NAP1L4: variants seen among roughly 807,000 people sequenced by gnomAD.
The protein encoded by NAP1L4 is nucleosome assembly protein 1 like 4, also known as nucleosome assembly protein 1-like 4.
A neutral mutation model predicts 58.2 loss-of-function variants in NAP1L4; 15 were observed. The observed-to-expected ratio is 0.26, with a 90% CI of 0.17 to 0.40. The LOEUF is 0.40. Ranked by LOEUF, NAP1L4 falls within the 10% of genes least tolerant of loss-of-function variation. NAP1L4 has a pLI of 1.00. For missense variants in NAP1L4, 384 were observed against 451.1 expected (o/e 0.85, Z 1.35); for synonymous variants, 171 against 155.6 (o/e 1.10, Z -0.74).
Position 2,991,257 on chromosome 11 carries a change from T to C in NAP1L4, c.-18+997A>G, listed in dbSNP as rs375097093. The stretch of plus-strand genomic sequence containing the variant: ...CCCCGCAATCAGACTTAGAGAACTG[T>C]GGACGGTGGAAAGTCTTATCATGAC... On this transcript the variant is annotated intron_variant, in intron 1 of 15. Coordinates refer to ENST00000380542, the MANE Select transcript of NAP1L4 (RefSeq NM_005969.4). 549 of 416,508 alleles carry C rather than the reference T, an allele frequency of 1.3e-3. 10 individuals carry two copies. Among genetic ancestry groups the C allele is most frequent in the South Asian group, 8.6e-3 (534 of 62,022 alleles). The allele number at this position is 416,508 out of a possible 1,614,324, so 25.8% of individuals were successfully genotyped here. A position where few individuals can be genotyped will look rare whatever the true frequency, so the allele number is the denominator to read the frequency against.
rs1846767992 is a variant in NAP1L4, at chr11:2,955,911, C to T, written c.893-145G>A. On this transcript the variant is annotated intron_variant, in intron 10 of 15. Transcript: ENST00000380542. This position sits in a 1 kb window ranked among gnomAD's most constrained non-coding sequence, Gnocchi z 4.2. ...AACAGAAATCCCCAAAGCCTTGCAT[C>T]TCCTCACAGACATCTTTGCAAGCTC... The T allele has an allele frequency of 4.2e-6, 3 of 711,540 alleles. No individual in the cohort carries two copies. The highest frequency in any genetic ancestry group is 7.0e-6 in the Non-Finnish European group (3 of 427,296). 44.1% of individuals were successfully genotyped at this position (711,540 alleles called of 1,614,324 possible).
chr11:2,949,119 G>C lies in NAP1L4; in HGVS notation c.*32+108C>G. On this transcript the variant is annotated intron_variant, in intron 15 of 15. Coordinates refer to ENST00000380542, the MANE Select transcript of NAP1L4 (RefSeq NM_005969.4). This position sits in a 1 kb window ranked among gnomAD's most constrained non-coding sequence, Gnocchi z 4.0. ...ACCTATGTCAAACCTGTGACACAGTGAGTGTACCTGGACAGCAACTCCCTC... is the reference window on the plus strand; with the variant it reads ...ACCTATGTCAAACCTGTGACACAGTCAGTGTACCTGGACAGCAACTCCCTC... The C allele has an allele frequency of 2.4e-6, 2 of 816,812 alleles. No individual in the cohort carries two copies. Among genetic ancestry groups the C allele is most frequent in the Admixed American group, 2.5e-5 (1 of 40,112 alleles). 50.6% of individuals were successfully genotyped at this position (816,812 alleles called of 1,614,324 possible).
chr11:2,946,437 G>A lies in NAP1L4; in HGVS notation c.*33-791C>T, dbSNP rs1239257918. On this transcript the variant is annotated intron_variant, in intron 15 of 15. Coordinates refer to ENST00000380542, the MANE Select transcript of NAP1L4 (RefSeq NM_005969.4). The surrounding 1 kb of genome is among the most constrained non-coding windows in gnomAD (Gnocchi z 4.8). ...TGAATTTGTGTGGAGGCCAACAATAGCCTAAGAAATACATCACGATCTTGC... is the reference window on the plus strand; with the variant it reads ...TGAATTTGTGTGGAGGCCAACAATAACCTAAGAAATACATCACGATCTTGC... 2.0e-5 allele frequency among the ~76,000 whole-genome samples: 3 copies of A among 152,204 alleles called. No individual in the cohort carries two copies. Among genetic ancestry groups the A allele is most frequent in the African/African-American group, 7.2e-5 (3 of 41,448 alleles).
Position 2,951,984 on chromosome 11 carries a change from T to G in NAP1L4, c.1036-175A>C, listed in dbSNP as rs1363127943. 4 of 651,660 alleles carry G rather than the reference T, an allele frequency of 6.1e-6. No homozygotes were observed. The highest frequency in any genetic ancestry group is 1.1e-5 in the Non-Finnish European group (4 of 363,252). The allele number at this position is 651,660 out of a possible 1,614,324, so 40.4% of individuals were successfully genotyped here. A position where few individuals can be genotyped will look rare whatever the true frequency, so the allele number is the denominator to read the frequency against. ...GCCATTTGCTTGTGTGCAGCGCATT[T>G]TAAAAGCATGCCAGGAAATTGAAAG... is the stretch of plus-strand genomic sequence containing the variant. On this transcript the variant is annotated intron_variant, in intron 12 of 15. Transcript: ENST00000380542. This position sits in a 1 kb window ranked among gnomAD's most constrained non-coding sequence, Gnocchi z 4.0.
chr11:2,967,279 GCTT>G (rs1177359864), intron 7 of NAP1L4, among the ~76,000 whole-genome samples: 1 of 152,042 alleles, frequency 6.6e-6, no homozygotes, highest in Non-Finnish European at 1.5e-5. Context: ...AAATGAAAGG[GCTT>G]CTCTCAGAAA....
chr11:2,959,938 A>G lies in NAP1L4; in HGVS notation c.607-29T>C, dbSNP rs1846760029. 1.2e-6 allele frequency: 2 copies of G among 1,610,600 alleles called. No homozygotes were observed. Among genetic ancestry groups the G allele is most frequent in the East Asian group, 2.2e-5 (1 of 44,750 alleles). ...AAAGTAGAAATTCAGAGTAAGCACC[A>G]GTTAAAATAGAAAAATAACGAGGAC... On this transcript the variant is annotated intron_variant, in intron 8 of 15. Coordinates refer to ENST00000380542, the MANE Select transcript of NAP1L4 (RefSeq NM_005969.4). This position sits in a 1 kb window ranked among gnomAD's most constrained non-coding sequence, Gnocchi z 4.9.
rs930564373 is a variant in NAP1L4 at position 2,955,095 on chromosome 11, C to A, written c.916-449G>T. On this transcript the variant is annotated intron_variant, in intron 11 of 15. Coordinates refer to ENST00000380542, the MANE Select transcript of NAP1L4 (RefSeq NM_005969.4). The surrounding 1 kb of genome is among the most constrained non-coding windows in gnomAD (Gnocchi z 4.2). ...TTTAAGAGACAGGGTCTTATTCTAT[C>A]ACCCAGGTTGGAGGGCAGTGGTGCA... is the stretch of plus-strand genomic sequence containing the variant. 1.3e-5 allele frequency among the ~76,000 whole-genome samples: 2 copies of A among 151,974 alleles called. No homozygotes were observed. Among genetic ancestry groups the A allele is most frequent in the Admixed American group, 6.6e-5 (1 of 15,254 alleles).
At position 2,955,395 on chromosome 11, in the gene NAP1L4, G is replaced by A. The variant is rs1846476999; in HGVS notation, c.915+349C>T. On this transcript the variant is annotated intron_variant, in intron 11 of 15. Transcript: ENST00000380542. This position sits in a 1 kb window ranked among gnomAD's most constrained non-coding sequence, Gnocchi z 4.2. Reference sequence around the variant, plus strand: ...TTTTTTTGGTATTTTAAGCAGAAACGGGGTTTCACCATGTTGACCAGACTG... The same window carrying A: ...TTTTTTTGGTATTTTAAGCAGAAACAGGGTTTCACCATGTTGACCAGACTG... Among the ~76,000 whole-genome samples the A allele has an allele frequency of 1.3e-5, 2 of 151,490 alleles. No homozygotes were observed. The highest frequency in any genetic ancestry group is 3.4e-3 in the Middle Eastern group (1 of 294).
At position 2,954,516 on chromosome 11, in the gene NAP1L4, G is replaced by A. The variant is rs555541428; in HGVS notation, c.1035+11C>T. The A allele has an allele frequency of 2.4e-4, 395 of 1,613,512 alleles. 2 individuals carry two copies. The South Asian group carries it at 4.1e-3, about 17-fold the overall frequency. ...ACCCAGGTGGAAGCCCCCCTTCCCCGAGCCTCATACATTGTCATCATCTTC... is the reference window on the plus strand; with the variant it reads ...ACCCAGGTGGAAGCCCCCCTTCCCCAAGCCTCATACATTGTCATCATCTTC... On this transcript the variant is annotated intron_variant, in intron 12 of 15. Transcript: ENST00000380542. This position sits in a 1 kb window ranked among gnomAD's most constrained non-coding sequence, Gnocchi z 4.8.
At chr11:2,963,123 G>GA (rs1738991179) in intron 8 of NAP1L4, among the ~76,000 whole-genome samples, 2 of 93,936 alleles carry the variant, frequency 2.1e-5, no homozygotes, top group East Asian at 3.1e-4. Flanking sequence ...AAAGAAAAAA[G>GA]AAAAAAAAGG....
chr11:2,964,919 A>G (rs1847172228), intron 7 of NAP1L4, among the ~76,000 whole-genome samples, 168 bp from the exon 8 acceptor site: 2 of 152,062 alleles, frequency 1.3e-5, no homozygotes, highest in African/African-American at 2.4e-5. Context: ...TTATTCACCA[A>G]CTCCCTGTCA....
chr11:2,972,962 C>G (rs182712677), intron 4 of NAP1L4, among the ~76,000 whole-genome samples: 144 of 152,158 alleles, frequency 9.5e-4, no homozygotes, highest in Non-Finnish European at 1.5e-3. Flanking sequence ...CAGAGCAAGA[C>G]CCTATCTTAC....
In NAP1L4 at chr11:2,972,085, T is replaced by C. The variant is rs1158663770; in HGVS notation, c.315+17A>G. 3 of 1,527,640 alleles carry C rather than the reference T, an allele frequency of 2.0e-6. No homozygotes were observed. Among genetic ancestry groups the C allele is most frequent in the African/African-American group, 2.9e-5 (2 of 69,838 alleles). The allele number at this position is 1,527,640 out of a possible 1,614,324, so 94.6% of individuals were successfully genotyped here. On this transcript the variant is annotated intron_variant, in intron 5 of 15. Coordinates refer to ENST00000380542, the MANE Select transcript of NAP1L4 (RefSeq NM_005969.4). ...AGCTGAAAACTATCTGTATATTAAATTAACAGAGCTCCCTACCTTGTCAAA... is the reference window on the plus strand; with the variant it reads ...AGCTGAAAACTATCTGTATATTAAACTAACAGAGCTCCCTACCTTGTCAAA...
At chr11:2,974,865 A>G (rs1023276343) in intron 4 of NAP1L4, among the ~76,000 whole-genome samples, 2 of 152,230 alleles carry the variant, frequency 1.3e-5, no homozygotes, top group Non-Finnish European at 2.9e-5. Context: ...TGAAATAAAT[A>G]AAACTACAAA....
In NAP1L4 at chr11:2,990,916, G is replaced by A. The variant is rs1386584231; in HGVS notation, c.-18+1338C>T. ...TAACTTAGAAAGACTTACCTTTAAG[G>A]TCCAACAACCTAATCTACATATTTG... On this transcript the variant is annotated intron_variant, in intron 1 of 15. Transcript: ENST00000380542. The A allele has an allele frequency of 1.5e-5, 5 of 341,170 alleles. No individual in the cohort carries two copies. In the East Asian group the frequency reaches 3.8e-4, roughly 26 times the overall value. 21.1% of individuals were successfully genotyped at this position (341,170 alleles called of 1,614,324 possible).
At position 2,976,043 on chromosome 11, in the gene NAP1L4, G is replaced by A. The variant is rs1444553882; in HGVS notation, c.154C>T (p.Pro52Ser). Residue 52 changes from proline to serine, a missense_variant, in exon 4 of 16, where the codon CCT (proline) becomes TCT (serine). By Grantham distance (74) the Pro-to-Ser change is moderately conservative. Coordinates refer to ENST00000380542, the MANE Select transcript of NAP1L4 (RefSeq NM_005969.4). ...QERLDNVPHT[P>S]SSYIETLPKA... ...ACTTACGTTTCGATGTAGCTGGAAG[G>A]GGTGTGAGGGACATTGTCAAGTCGC... The A allele has an allele frequency of 6.2e-7, 1 of 1,613,810 alleles. No individual in the cohort carries two copies. Among genetic ancestry groups the A allele is most frequent in the Non-Finnish European group, 8.5e-7 (1 of 1,179,886 alleles).
In NAP1L4 at chr11:2,970,086, C is replaced by T. The variant is rs946209671; in HGVS notation, c.403-152G>A. 22 of 679,176 alleles carry T rather than the reference C, an allele frequency of 3.2e-5. 1 individual carries two copies. The highest frequency in any genetic ancestry group is 2.8e-4 in the East Asian group (9 of 32,570). The allele number at this position is 679,176 out of a possible 1,614,324, so 42.1% of individuals were successfully genotyped here. A position where few individuals can be genotyped will look rare whatever the true frequency, so the allele number is the denominator to read the frequency against. On this transcript the variant is annotated intron_variant, in intron 6 of 15. Coordinates refer to ENST00000380542, the MANE Select transcript of NAP1L4 (RefSeq NM_005969.4). ...CCTCCAAACCACTCACTGGGCCACG[C>T]GACACTTTTCAGATGCTTCTGAGGA...
At position 2,971,899 on chromosome 11, in the gene NAP1L4, T is replaced by C. The variant is rs1041909438; in HGVS notation, c.315+203A>G. Among the ~76,000 whole-genome samples, 15 of 152,202 alleles carry C rather than the reference T, an allele frequency of 9.9e-5. No individual in the cohort carries two copies. Among genetic ancestry groups the C allele is most frequent in the Admixed American group, 3.9e-4 (6 of 15,286 alleles). On this transcript the variant is annotated intron_variant, in intron 5 of 15. Coordinates refer to ENST00000380542, the MANE Select transcript of NAP1L4 (RefSeq NM_005969.4). This position sits in a 1 kb window ranked among gnomAD's most constrained non-coding sequence, Gnocchi z 4.2. ...AGATACTCAGCACTTTATTATAAAA[T>C]AGGCTTTGTGGAAGATGATTTTGCC...
intron 1 of NAP1L4, chr11:2,983,841 T>C (rs1235534598): frequency 6.6e-6 from 1 of 151,302 alleles, no homozygotes. Context: ...AAAACAAAAT[T>C]AGCCAGGCAT....
Sources: gnomAD v4.1 joint callset for allele counts (sites outside exome capture counted in the v4.1 genomes callset) on GRCh38, gnomAD v4.1.1 for gene constraint, Gnocchi (gnomAD v3.1) non-coding constraint, MANE v1.5 for transcripts, NCBI Gene and HGNC (gene_info 2026-07-23, HGNC 2026-07-21) for gene names.